WDR47: variants seen among roughly 807,000 people sequenced by gnomAD.
WDR47 encodes WD repeat domain 47.
WDR47 carries 32 observed loss-of-function variants against 97.2 expected under a neutral mutation model. That is an observed-to-expected ratio of 0.33 (90% CI 0.25 to 0.44). The LOEUF (loss-of-function observed/expected upper bound fraction) is 0.44. WDR47 is among the 20% of genes least tolerant of loss of function. The pLI is 1.00. For synonymous variants in WDR47, 375 were observed against 373.5 expected (o/e 1.00, Z -0.05); for missense variants, 782 against 1,102.3 (o/e 0.71, Z 4.11).
rs1269306010 is a variant in WDR47, at chr1:109,011,372, A to G, written c.674T>C (p.Val225Ala). 6.2e-7 allele frequency: 1 copy of G among 1,614,098 alleles called. No individual in the cohort carries two copies. Among genetic ancestry groups the G allele is most frequent in the Non-Finnish European group, 8.5e-7 (1 of 1,180,052 alleles). The change falls in exon 5 of 15, where the codon GTG becomes GCG. Residue 225 changes from valine to alanine, a missense_variant. Physicochemically the swap from Val to Ala is moderately conservative, Grantham distance 64. Around this residue, in one of 3 missense-constraint regions of WDR47, gnomAD observed 428 missense variants for 584.3 expected, o/e 0.73. Coordinates refer to ENST00000369962, the MANE Select transcript of WDR47 (RefSeq NM_001142551.2). Reference sequence around the variant, plus strand: ...ACATAAGAGGTCGATGCCAAGAAGCACTTCGCTTTCTGTAATTTCTTCTCC... The same window carrying G: ...ACATAAGAGGTCGATGCCAAGAAGCGCTTCGCTTTCTGTAATTTCTTCTCC... ...ATGEEITESE[V>A]LLGIDLLCGN...
chr1:109,026,259 T>C (rs11487795), intron 1 of WDR47, among the ~76,000 whole-genome samples: 16,203 of 151,800 alleles, frequency 0.11, 1,007 homozygotes, highest in African/African-American at 0.16. Flanking sequence ...CTATGTTGCC[T>C]AGGCTGCTCT....
At chr1:108,997,771 A>AC (rs1370030303) in intron 7 of WDR47, among the ~76,000 whole-genome samples, 2 of 150,934 alleles carry the variant, frequency 1.3e-5, no homozygotes, top group Admixed American at 6.6e-5. Flanking sequence ...AAAAAAAAAA[A>AC]AAAAAGAAAG....
At chr1:109,017,955 G>T (rs1476142788) in intron 2 of WDR47, among the ~76,000 whole-genome samples, 1 of 151,346 alleles carries the variant, frequency 6.6e-6, no homozygotes, top group Non-Finnish European at 1.5e-5. Context: ...CACCATGTTG[G>T]CCAGGCTGGT....
At position 109,023,499 on chromosome 1, in the gene WDR47, T is replaced by C. The variant is rs758672698; in HGVS notation, c.14A>G (p.Glu5Gly). MTAE[E>G]TVNVKEVEII... ...TTCAACCTCTTTTACATTCACTGTT[T>C]CTTCAGCCGTCATATTGATAGCCTA... The change falls in exon 2 of 15, where the codon GAA becomes GGA. Residue 5 changes from glutamate (E) to glycine (G), a missense_variant. Coordinates refer to ENST00000369962, the MANE Select transcript of WDR47 (RefSeq NM_001142551.2). 6.2e-7 allele frequency: 1 copy of C among 1,612,922 alleles called. No individual in the cohort carries two copies.
intron 11 of WDR47, 83 bp downstream of exon 11, chr1:108,983,199 A>G (rs1207215345): frequency 7.6e-7 from 1 of 1,307,266 alleles, no homozygotes; most frequent in East Asian, 2.6e-5. Context: ...GGATTTCATT[A>G]AAGACAATAC....
intron 1 of WDR47, among the ~76,000 whole-genome samples, chr1:109,041,343 T>C (rs1030851141): frequency 1.3e-4 from 20 of 152,074 alleles, no homozygotes; most frequent in African/African-American, 3.1e-4. Context: ...ATCCCGACCA[T>C]TGATGTGAGA....
At chr1:108,973,837 C>T (rs1455212239) in intron 14 of WDR47, among the ~76,000 whole-genome samples, 5 of 151,746 alleles carry the variant, frequency 3.3e-5, no homozygotes, top group African/African-American at 9.7e-5. Context: ...GAGCAATAAT[C>T]GTGCCACTGC....
At position 108,995,700 on chromosome 1, in the gene WDR47, G is replaced by A; in HGVS notation, c.1571C>T (p.Pro524Leu). The A allele has an allele frequency of 6.2e-7, 1 of 1,614,064 alleles. No individual in the cohort carries two copies. The highest frequency in any genetic ancestry group is 8.5e-7 in the Non-Finnish European group (1 of 1,180,000). Reference sequence around the variant, plus strand: ...TGTTAATCTCTGACTAGAGTCTTGGGGTGGTGTAGTAAAACTAGTCACAGA... The same window carrying A: ...TGTTAATCTCTGACTAGAGTCTTGGAGTGGTGTAGTAAAACTAGTCACAGA... The part of the protein sequence containing the change: ...GSSVTSFTTP[P>L]QDSSQRLTHD... Residue 524 changes from proline to leucine, a missense_variant, in exon 8 of 15, where the codon CCC (proline) becomes CTC (leucine). Physicochemically the swap from Pro to Leu is moderately conservative, Grantham distance 98 (BLOSUM62 -3). Around this residue, in one of 3 missense-constraint regions of WDR47, gnomAD observed 126 missense variants for 121.3 expected, o/e 1.04. Transcript: ENST00000369962.
chr1:108,996,497 T>C (rs112488342), intron 7 of WDR47, among the ~76,000 whole-genome samples: 4 of 152,324 alleles, frequency 2.6e-5, no homozygotes, highest in African/African-American at 9.6e-5. Context: ...ACTACCAAAA[T>C]TGCTCATCAA....
At chr1:109,023,204 AAAAAT>A (rs1018111330) in intron 2 of WDR47, 146 bp downstream of exon 2, 20 of 752,994 alleles carry the variant, frequency 2.7e-5, no homozygotes, top group South Asian at 1.8e-4. Flanking sequence ...CTCCGTCTCA[AAAAAT>A]AAAATAAAAT....
At chr1:109,003,123 CTGTTGTTGA>C (rs1230382886) in intron 6 of WDR47, among the ~76,000 whole-genome samples, 1 of 152,148 alleles carries the variant, frequency 6.6e-6, no homozygotes, top group Non-Finnish European at 1.5e-5. Flanking sequence ...ACGTATTCTG[CTGTTGTTGA>C]GTGGAGTGTT....
At chr1:109,001,576 T>C (rs1012685870) in intron 7 of WDR47, among the ~76,000 whole-genome samples, 1 of 152,046 alleles carries the variant, frequency 6.6e-6, no homozygotes, top group African/African-American at 2.4e-5. Flanking sequence ...GGTAACCTTG[T>C]AAGAAGGTTA....
At chr1:108,974,290 G>C (rs1298349067) in intron 14 of WDR47, among the ~76,000 whole-genome samples, 5 of 151,664 alleles carry the variant, frequency 3.3e-5, no homozygotes, top group Non-Finnish European at 7.4e-5. Flanking sequence ...AGGAGTTCGA[G>C]ACCAGCCTGG....
At chr1:109,013,708 A>G in intron 4 of WDR47, 133 bp downstream of exon 4, 1 of 832,760 alleles carries the variant, frequency 1.2e-6, no homozygotes, top group South Asian at 1.8e-5. Flanking sequence ...CACCTGGAAA[A>G]CACCAGATCT....
At chr1:109,029,673 AAATAAAT>A (rs1557963143) in intron 1 of WDR47, among the ~76,000 whole-genome samples, 9 of 78,252 alleles carry the variant, frequency 1.2e-4, no homozygotes, top group African/African-American at 2.0e-4. Context: ...CTCTGTCTCT[AAATAAAT>A]AAATAAATAA....
At chr1:109,013,770 G>T in intron 4 of WDR47, 71 bp downstream of exon 4, 2 of 1,523,990 alleles carry the variant, frequency 1.3e-6, no homozygotes, top group Non-Finnish European at 9.0e-7. Flanking sequence ...CTAATCCTTC[G>T]TTTTAGTGAC....
intron 5 of WDR47, among the ~76,000 whole-genome samples, chr1:109,006,618 G>C (rs946911624): frequency 3.9e-5 from 6 of 152,150 alleles, no homozygotes; most frequent in African/African-American, 1.4e-4. Flanking sequence ...CTGTGAAACA[G>C]TTTATAAGAC....
chr1:109,029,842 C>T (rs1662490213), intron 1 of WDR47, among the ~76,000 whole-genome samples: 1 of 149,116 alleles, frequency 6.7e-6, no homozygotes, highest in Non-Finnish European at 1.5e-5. Context: ...CACCACTGCA[C>T]TCCAGCCTGG....
At chr1:109,003,841 C>T (rs1464637053) in intron 6 of WDR47, among the ~76,000 whole-genome samples, 1 of 152,108 alleles carries the variant, frequency 6.6e-6, no homozygotes, top group Non-Finnish European at 1.5e-5. Context: ...AATACCATTT[C>T]CTCACAAAAA....
Sources: gnomAD v4.1 joint callset for allele counts (sites outside exome capture counted in the v4.1 genomes callset) on GRCh38, gnomAD v4.1.1 for gene constraint, gnomAD v4.1.1 regional missense constraint, MANE v1.5 for transcripts, NCBI Gene and HGNC (gene_info 2026-07-23, HGNC 2026-07-21) for gene names.